Variants in EDA observed in about 807,000 individuals in gnomAD.
EDA encodes the protein ectodysplasin-A.
EDA carries 2 observed loss-of-function variants against 23.6 expected under a neutral mutation model. The observed-to-expected ratio is 0.08, with a 90% CI of 0.03 to 0.27. The LOEUF (loss-of-function observed/expected upper bound fraction) is 0.27, where lower values mean the gene tolerates loss of function less well. Among genes scored for constraint, EDA ranks in the 10% least tolerant of loss-of-function variants. The probability of loss-of-function intolerance (pLI) is 1.00; values close to 1 mark genes in which losing one functional copy is unlikely to be tolerated. For missense variants in EDA, 229 were observed against 324.2 expected, an observed-to-expected ratio of 0.71 and a Z score of 2.26; for synonymous variants, 131 against 132.0, an observed-to-expected ratio of 0.99 and a Z score of 0.05.
At position 70,033,352 on chromosome X, in the gene EDA, G is replaced by A. The variant is rs372510206; in HGVS notation, c.794-46G>A. 60 of 1,207,504 alleles carry A rather than the reference G, an allele frequency of 5.0e-5. No homozygotes were observed. The African/African-American group carries it at 5.8e-4, about 12-fold the overall frequency. ...CTTGGTATTTATTTTCTGTTGCCTC[G>A]ATTATTCTGACATGTACTGAGTGAC... On this transcript the variant is annotated intron_variant, in intron 6 of 7. Transcript: ENST00000374552.
chrX:69,763,610 C>A (rs1168481416), intron 1 of EDA, among the ~76,000 whole-genome samples: 1 of 111,966 alleles, frequency 8.9e-6, no homozygotes, highest in African/African-American at 3.2e-5. Flanking sequence ...ATTTAAATAG[C>A]CTCACTTACT....
At position 69,907,364 on chromosome X, in the gene EDA, A is replaced by T. The variant is rs1203106016; in HGVS notation, c.397-49663A>T. 3.7e-4 allele frequency among the ~76,000 whole-genome samples: 41 copies of T among 111,492 alleles called. 1 individual carries two copies. In the Admixed American group the frequency reaches 3.9e-3, roughly 11 times the overall value. ...TGCCTAGTAATAGTGCTCACTACAG[A>T]AGGTACAATAACACACATCACAATT... On this transcript the variant is annotated intron_variant, in intron 1 of 7. Transcript: ENST00000374552.
At position 70,029,535 on chromosome X, in the gene EDA, C is replaced by A. The variant is rs752134804; in HGVS notation, c.738C>A (p.Asn246Lys). The A allele has an allele frequency of 6.6e-6, 8 of 1,211,829 alleles. No homozygotes were observed. The South Asian group carries it at 1.4e-4, about 21-fold the overall frequency. The part of the protein sequence containing the change: ...GAADKAGTRE[N>K]QPAVVHLQGQ... ...CTGATAAAGCTGGAACTCGAGAAAACCAGGTTGGCTGGGGATTGCTCTCTT... is the reference window on the plus strand; with the variant it reads ...CTGATAAAGCTGGAACTCGAGAAAAACAGGTTGGCTGGGGATTGCTCTCTT... Residue 246 changes from asparagine (N) to lysine (K), a missense_variant, in exon 5 of 8, where the codon AAC becomes AAA. Physicochemically the swap from Asn to Lys is moderately conservative, Grantham distance 94 (BLOSUM62 0). Coordinates refer to ENST00000374552, the MANE Select transcript of EDA (RefSeq NM_001399.5).
chrX:69,748,034 A>G (rs893658364), intron 1 of EDA, among the ~76,000 whole-genome samples: 1 of 111,617 alleles, frequency 9.0e-6, no homozygotes, highest in East Asian at 2.8e-4. Flanking sequence ...TACTCAAATC[A>G]TACTCCTGGA....
intron 1 of EDA, among the ~76,000 whole-genome samples, chrX:69,851,486 A>G (rs764540201): frequency 8.9e-6 from 1 of 112,346 alleles, no homozygotes; most frequent in Admixed American, 9.4e-5. Flanking sequence ...GGATGTATTC[A>G]CCTATGTGTG....
chrX:69,733,277 A>G (rs1490953732), intron 1 of EDA, among the ~76,000 whole-genome samples: 1 of 112,052 alleles, frequency 8.9e-6, no homozygotes, highest in Non-Finnish European at 1.9e-5. Flanking sequence ...TAATTTTTGT[A>G]TAAGGTGTAA....
At chrX:69,712,121 T>G (rs1468016713) in intron 1 of EDA, among the ~76,000 whole-genome samples, 1 of 111,183 alleles carries the variant, frequency 9.0e-6, no homozygotes, top group African/African-American at 3.3e-5. Context: ...TGCTTTCTCT[T>G]GTGGGCATTT....
chrX:69,960,445 G>A (rs771764600), intron 2 of EDA, among the ~76,000 whole-genome samples: 1 of 111,479 alleles, frequency 9.0e-6, no homozygotes, highest in Non-Finnish European at 1.9e-5. Flanking sequence ...TATGGGGAAA[G>A]AGTTTAGTTA....
intron 1 of EDA, among the ~76,000 whole-genome samples, chrX:69,930,373 A>G (rs1290732584): frequency 9.0e-6 from 1 of 111,309 alleles, no homozygotes; most frequent in Non-Finnish European, 1.9e-5. Context: ...TAATGGGGAA[A>G]TATCAATGTA....
intron 1 of EDA, among the ~76,000 whole-genome samples, chrX:69,879,001 A>G (rs2017695976): frequency 9.0e-6 from 1 of 111,016 alleles, no homozygotes; most frequent in Non-Finnish European, 1.9e-5. Flanking sequence ...AAAATAAATC[A>G]TAGTAATATT....
intron 2 of EDA, among the ~76,000 whole-genome samples, chrX:69,987,619 C>A (rs1190592371): frequency 9.5e-6 from 1 of 105,598 alleles, no homozygotes; most frequent in Non-Finnish European, 2.0e-5. Context: ...TTCCTGTATC[C>A]AAAAAAAAAG....
chrX:69,736,590 A>G (rs1006179441), intron 1 of EDA, among the ~76,000 whole-genome samples: 1 of 110,434 alleles, frequency 9.1e-6, no homozygotes, highest in African/African-American at 3.3e-5. Context: ...TGGCCTCCCA[A>G]AGTGCTGGGA....
intron 1 of EDA, among the ~76,000 whole-genome samples, chrX:69,817,284 A>G (rs2016103095): frequency 9.0e-6 from 1 of 111,668 alleles, no homozygotes; most frequent in Admixed American, 9.6e-5. Context: ...TACACAGACC[A>G]GTGACACTAT....
intron 1 of EDA, among the ~76,000 whole-genome samples, chrX:69,739,731 A>G (rs2013388943): frequency 9.0e-6 from 1 of 110,849 alleles, no homozygotes; most frequent in South Asian, 3.7e-4. Context: ...TACTAGCTTA[A>G]TTTCAGTGAG....
At chrX:69,748,762 T>G (rs2013705692) in intron 1 of EDA, among the ~76,000 whole-genome samples, 2 of 111,315 alleles carry the variant, frequency 1.8e-5, no homozygotes, top group Non-Finnish European at 3.8e-5. Flanking sequence ...CTTTTAAATC[T>G]GTAAAATAAG....
intron 1 of EDA, chrX:69,617,063 G>C (rs1931996521): frequency 2.7e-6 from 1 of 375,967 alleles, no homozygotes; most frequent in Non-Finnish European, 4.7e-6. Context: ...CTCTGCCCGC[G>C]GTGCTTGTTT....
intron 1 of EDA, among the ~76,000 whole-genome samples, chrX:69,857,582 A>G (rs761188019): frequency 2.8e-5 from 3 of 107,184 alleles, no homozygotes; most frequent in Non-Finnish European, 3.8e-5. Context: ...TCGTTCTGTG[A>G]AAAATGATGA....
chrX:69,828,432 C>T (rs931037074), intron 1 of EDA, among the ~76,000 whole-genome samples: 3 of 112,114 alleles, frequency 2.7e-5, no homozygotes, highest in Non-Finnish European at 3.8e-5. Context: ...ATTGGAAAAG[C>T]GCAGTATTCG....
intron 1 of EDA, among the ~76,000 whole-genome samples, chrX:69,630,678 C>T (rs1287459214): frequency 8.9e-6 from 1 of 112,273 alleles, no homozygotes; most frequent in Non-Finnish European, 1.9e-5. Context: ...CTCTTTGTCT[C>T]GTTAATTATG....
Sources: gnomAD v4.1 joint callset for allele counts (sites outside exome capture counted in the v4.1 genomes callset) on GRCh38, gnomAD v4.1.1 for gene constraint, MANE v1.5 for transcripts, NCBI Gene and HGNC (gene_info 2026-07-23, HGNC 2026-07-21) for gene names.